DIP2C: variants seen among roughly 807,000 people sequenced by gnomAD.
DIP2C encodes the protein DIP2 acetate--CoA ligase C (putative), also known as disco-interacting protein 2 homolog C.
DIP2C carries 33 observed loss-of-function variants against 192.4 expected under a neutral mutation model. That is an observed-to-expected ratio of 0.17 (90% CI 0.13 to 0.23). The LOEUF is 0.23. Among genes scored for constraint, DIP2C ranks in the 10% least tolerant of loss-of-function variants. DIP2C has a pLI of 1.00. For synonymous variants in DIP2C, 979 were observed against 864.1 expected (o/e 1.13, Z -2.33); for missense variants, 1,537 against 2,110.1 (o/e 0.73, Z 5.32).
intron 1 of DIP2C, among the ~76,000 whole-genome samples, chr10:584,222 C>CA (rs1265048432): frequency 1.3e-5 from 2 of 152,230 alleles, no homozygotes; most frequent in Non-Finnish European, 2.9e-5. Flanking sequence ...CTCCCCTATT[C>CA]AACAGGCATT....
chr10:661,325 T>C (rs1303629926), intron 1 of DIP2C, among the ~76,000 whole-genome samples: 1 of 152,144 alleles, frequency 6.6e-6, no homozygotes, highest in African/African-American at 2.4e-5. Flanking sequence ...GGCTCCCTCC[T>C]CCACCTGGAG....
Position 419,176 on chromosome 10 carries a change from C to T in DIP2C, c.628G>A (p.Val210Ile), listed in dbSNP as rs755658110. Residue 210 changes from valine (V) to isoleucine (I), a missense_variant, in exon 6 of 37, where the codon GTA becomes ATA. By Grantham distance (29) the Val-to-Ile change is conservative. Coordinates refer to ENST00000280886, the MANE Select transcript of DIP2C (RefSeq NM_014974.3). ...HIENHSAPPD[V>I]TTYTSEHSIQ... is the part of the protein sequence containing the mutation. ...GAGTGCTCTGAGGTGTACGTGGTTA[C>T]GTCAGGAGGTGCAGAATGATTTTCT... 6.8e-6 allele frequency: 11 copies of T among 1,614,066 alleles called. No homozygotes were observed. The highest frequency in any genetic ancestry group is 2.2e-5 in the East Asian group (1 of 44,884).
chr10:457,881 A>T (rs948149938), intron 3 of DIP2C, among the ~76,000 whole-genome samples: 2 of 152,136 alleles, frequency 1.3e-5, no homozygotes, highest in Non-Finnish European at 2.9e-5. Context: ...AGTGTGGGAC[A>T]TCTTTATGCT....
chr10:472,655 C>G (rs1222073613), intron 2 of DIP2C, 106 bp from the exon 3 acceptor site: 14 of 1,017,830 alleles, frequency 1.4e-5, no homozygotes, highest in Non-Finnish European at 1.0e-5. Flanking sequence ...CAGAGCTACC[C>G]ACGGGACTGG....
chr10:286,553 C>CT (rs1207828638), intron 33 of DIP2C, among the ~76,000 whole-genome samples: 1 of 152,202 alleles, frequency 6.6e-6, no homozygotes, highest in Non-Finnish European at 1.5e-5. Flanking sequence ...CTCACTGTAA[C>CT]TGTCAATATT....
At chr10:501,965 T>C (rs908691681) in intron 1 of DIP2C, among the ~76,000 whole-genome samples, 2 of 151,974 alleles carry the variant, frequency 1.3e-5, no homozygotes, top group African/African-American at 4.8e-5. Context: ...GGTAACATAG[T>C]GAAACTCCAT....
At chr10:476,889 G>T (rs1843075865) in intron 2 of DIP2C, among the ~76,000 whole-genome samples, 1 of 151,790 alleles carries the variant, frequency 6.6e-6, no homozygotes, top group Admixed American at 6.6e-5. Flanking sequence ...CCCGAAAGGG[G>T]CATCTGTTGG....
chr10:294,207 T>C (rs1443412863), intron 32 of DIP2C, among the ~76,000 whole-genome samples: 1 of 152,158 alleles, frequency 6.6e-6, no homozygotes, highest in East Asian at 1.9e-4. Flanking sequence ...ACTGCCCTCT[T>C]CCATCTTCTT....
chr10:428,210 G>C (rs1966721967), intron 4 of DIP2C, among the ~76,000 whole-genome samples: 1 of 152,062 alleles, frequency 6.6e-6, no homozygotes, highest in Non-Finnish European at 1.5e-5. Flanking sequence ...AAATCATAAA[G>C]TGTTCTATGA....
Position 532,689 on chromosome 10 carries a change from G to C in DIP2C, c.86-46159C>G, listed in dbSNP as rs1588405694. ...GGTGTGAGAGAGAGTATGGGTGTGAGAGAGTATGGGTGTGAGAGAGAGTAT... is the reference window on the plus strand; with the variant it reads ...GGTGTGAGAGAGAGTATGGGTGTGACAGAGTATGGGTGTGAGAGAGAGTAT... On this transcript the variant is annotated intron_variant, in intron 1 of 36. Coordinates refer to ENST00000280886, the MANE Select transcript of DIP2C (RefSeq NM_014974.3). Among the ~76,000 whole-genome samples, 2 of 101,610 alleles carry C rather than the reference G, an allele frequency of 2.0e-5. 1 individual carries two copies. Among genetic ancestry groups the C allele is most frequent in the African/African-American group, 7.8e-5 (2 of 25,536 alleles). 66.7% of individuals were successfully genotyped at this position (101,610 alleles called of 152,430 possible).
At chr10:392,780 C>T (rs746042369) in intron 10 of DIP2C, among the ~76,000 whole-genome samples, 31 of 151,934 alleles carry the variant, frequency 2.0e-4, no homozygotes, top group Non-Finnish European at 3.1e-4. Flanking sequence ...CACTCTCACA[C>T]GCGCCCATGC....
intron 2 of DIP2C, among the ~76,000 whole-genome samples, chr10:475,009 G>C (rs1045750550): frequency 6.6e-6 from 1 of 152,112 alleles, no homozygotes; most frequent in Non-Finnish European, 1.5e-5. Context: ...CTCTCCCCAA[G>C]GAAGGCTTCA....
chr10:546,020 G>A (rs946691435), intron 1 of DIP2C, among the ~76,000 whole-genome samples: 2 of 152,176 alleles, frequency 1.3e-5, no homozygotes, highest in African/African-American at 4.8e-5. Context: ...GCTTATGCCT[G>A]TAATCCCACC....
At chr10:657,071 TGCTGGACTTGCC>T (rs1468551494) in intron 1 of DIP2C, among the ~76,000 whole-genome samples, 63 of 150,160 alleles carry the variant, frequency 4.2e-4, no homozygotes, top group African/African-American at 1.4e-3. Flanking sequence ...CTGGACATGC[TGCTGGACTTGCC>T]ACTGGACTTG....
chr10:319,300 C>A (rs138651414), intron 31 of DIP2C, among the ~76,000 whole-genome samples: 4 of 152,306 alleles, frequency 2.6e-5, no homozygotes, highest in African/African-American at 9.6e-5. Context: ...TTAAGGGTCA[C>A]TGCAATAGTT....
At chr10:321,599 C>T (rs930599124) in intron 31 of DIP2C, among the ~76,000 whole-genome samples, 2 of 144,312 alleles carry the variant, frequency 1.4e-5, no homozygotes, top group Non-Finnish European at 3.0e-5. Flanking sequence ...AGCGAGAGAC[C>T]GGCGCTGTTA....
intron 1 of DIP2C, among the ~76,000 whole-genome samples, chr10:578,066 AAATTCCACATTTGGAAATGTTTT>A (rs1369432467): frequency 2.6e-5 from 4 of 152,214 alleles, no homozygotes; most frequent in African/African-American, 9.6e-5. Context: ...GATTATTCTC[AAATTCCACATTTGGAAATGTTTT>A]GCACAAAGTC....
Position 316,671 on chromosome 10 carries a change from C to T in DIP2C, c.3925-6579G>A, listed in dbSNP as rs568136319. ...CAGGCCACCCTCGAGCGGGAGCCAG[C>T]GGCTTTCCTGCTCACCTCCCAGCCC... On this transcript the variant is annotated intron_variant, in intron 31 of 36. Transcript: ENST00000280886. 2.4e-3 allele frequency among the ~76,000 whole-genome samples: 372 copies of T among 152,290 alleles called. 3 individuals are homozygous for T. The highest frequency in any genetic ancestry group is 8.4e-3 in the African/African-American group (351 of 41,568).
intron 1 of DIP2C, among the ~76,000 whole-genome samples, chr10:493,515 C>T (rs1014448208): frequency 6.6e-6 from 1 of 152,060 alleles, no homozygotes; most frequent in African/African-American, 2.4e-5. Flanking sequence ...AGCTGGACAT[C>T]GAGAAGCTGA....
Sources: gnomAD v4.1 joint callset for allele counts (sites outside exome capture counted in the v4.1 genomes callset) on GRCh38, gnomAD v4.1.1 for gene constraint, MANE v1.5 for transcripts, NCBI Gene and HGNC (gene_info 2026-07-23, HGNC 2026-07-21) for gene names.